The following MAP2K5 variants were observed in gnomAD, a reference collection of about 807,000 sequenced individuals.
The protein encoded by MAP2K5 is dual specificity mitogen-activated protein kinase kinase 5.
Under a neutral mutation model 83.1 loss-of-function variants are expected in MAP2K5, and 49 were observed. That is an observed-to-expected ratio of 0.59 (90% CI 0.47 to 0.75). The LOEUF (loss-of-function observed/expected upper bound fraction) is 0.75, where lower values mean the gene tolerates loss of function less well. Ranked by LOEUF, MAP2K5 falls within the 30% of genes least tolerant of loss-of-function variation. The pLI is 0.00. For synonymous variants in MAP2K5, 202 were observed against 191.8 expected (o/e 1.05, Z -0.44); for missense variants, 457 against 557.5 (o/e 0.82, Z 1.82).
Position 67,543,434 on chromosome 15 carries a change from G to A in MAP2K5, c.99G>A (p.Val33=), listed in dbSNP as rs749396399. The A allele has an allele frequency of 6.2e-7, 1 of 1,614,142 alleles. No homozygotes were observed. The highest frequency in any genetic ancestry group is 2.2e-5 in the East Asian group (1 of 44,878). ...IPNSGAVDWT[V]HSGPQLLFRD... is the part of the protein sequence containing the mutation. Reference sequence around the variant, plus strand: ...ATAGTGGCGCGGTGGACTGGACAGTGCACTCCGGGCCGCAGTTACTCTTCA... The same window carrying A: ...ATAGTGGCGCGGTGGACTGGACAGTACACTCCGGGCCGCAGTTACTCTTCA... The change falls in exon 1 of 22, where the codon GTG becomes GTA. Residue 33 remains valine, a synonymous_variant. Transcript: ENST00000178640. This position sits in a 1 kb window ranked among gnomAD's most constrained non-coding sequence, Gnocchi z 4.3.
At chr15:67,718,869 G>T (rs2088890142) in intron 16 of MAP2K5, among the ~76,000 whole-genome samples, 1 of 151,912 alleles carries the variant, frequency 6.6e-6, no homozygotes, top group South Asian at 2.1e-4. Flanking sequence ...GGGTAAATGG[G>T]GTATTCACCT....
intron 2 of MAP2K5, among the ~76,000 whole-genome samples, chr15:67,553,071 T>G (rs2084545096): frequency 1.3e-5 from 2 of 152,238 alleles, no homozygotes; most frequent in South Asian, 4.1e-4. Context: ...TTATTTTAAC[T>G]ATCATTCATT....
chr15:67,599,202 T>C (rs2085596394), intron 7 of MAP2K5, among the ~76,000 whole-genome samples: 1 of 152,224 alleles, frequency 6.6e-6, no homozygotes, highest in African/African-American at 2.4e-5. Flanking sequence ...TCTGTATTAG[T>C]AGTATAAAGG....
chr15:67,583,242 A>G (rs930960061), intron 4 of MAP2K5, among the ~76,000 whole-genome samples: 1 of 152,202 alleles, frequency 6.6e-6, no homozygotes, highest in African/African-American at 2.4e-5. Flanking sequence ...GGAAAGGCAT[A>G]TATATTAAAA....
chr15:67,613,889 C>A (rs2085992827), intron 8 of MAP2K5, among the ~76,000 whole-genome samples: 1 of 152,044 alleles, frequency 6.6e-6, no homozygotes, highest in Non-Finnish European at 1.5e-5. Context: ...CTCTTTGACC[C>A]ACTAGGGTAC....
At position 67,644,875 on chromosome 15, in the gene MAP2K5, A is replaced by G. The variant is rs1223131263; in HGVS notation, c.586-1356A>G. On this transcript the variant is annotated intron_variant, in intron 9 of 21. Coordinates refer to ENST00000178640, the MANE Select transcript of MAP2K5 (RefSeq NM_145160.3). The surrounding 1 kb of genome is among the most constrained non-coding windows in gnomAD (Gnocchi z 4.6). ...CTTAAAATGTTATTTTTGGCTGGGC[A>G]TGGTGGCTTACGCTTGTAATCCCAG... Among the ~76,000 whole-genome samples, 2 of 152,116 alleles carry G rather than the reference A, an allele frequency of 1.3e-5. No homozygotes were observed. Among genetic ancestry groups the G allele is most frequent in the East Asian group, 3.8e-4 (2 of 5,196 alleles).
Position 67,720,277 on chromosome 15 carries a change from TA to T in MAP2K5, c.1045-7638del, listed in dbSNP as rs1229195615. Among the ~76,000 whole-genome samples the T allele has an allele frequency of 6.6e-6, 1 of 151,968 alleles. No homozygotes were observed. Among genetic ancestry groups the T allele is most frequent in the African/African-American group, 2.4e-5 (1 of 41,302 alleles). On this transcript the variant is annotated intron_variant, in intron 16 of 21. Transcript: ENST00000178640. This position sits in a 1 kb window ranked among gnomAD's most constrained non-coding sequence, Gnocchi z 5.7. ...GCATATATATACACACACATATGCT[TA>T]TATATACATAAGTATACACATACAT...
intron 15 of MAP2K5, among the ~76,000 whole-genome samples, chr15:67,697,185 A>G (rs1397994176): frequency 6.6e-6 from 1 of 152,074 alleles, no homozygotes; most frequent in Non-Finnish European, 1.5e-5. Flanking sequence ...GTCATTTGAT[A>G]CCCTCATTTT....
intron 3 of MAP2K5, among the ~76,000 whole-genome samples, chr15:67,576,670 G>A (rs1215590046): frequency 6.8e-6 from 1 of 147,308 alleles, no homozygotes; most frequent in African/African-American, 2.5e-5. Flanking sequence ...TATGCAAGGG[G>A]TAACAGGAGA....
intron 13 of MAP2K5, among the ~76,000 whole-genome samples, chr15:67,669,045 T>C (rs1030474440): frequency 5.9e-5 from 9 of 152,184 alleles, no homozygotes; most frequent in African/African-American, 1.9e-4. Flanking sequence ...TTTTCTCTTT[T>C]ATAAATCTGG....
At chr15:67,659,970 T>C (rs1319176481) in intron 12 of MAP2K5, among the ~76,000 whole-genome samples, 1 of 152,124 alleles carries the variant, frequency 6.6e-6, no homozygotes, top group African/African-American at 2.4e-5. Flanking sequence ...CAGCATCAAA[T>C]ACAGGGCTTG....
At position 67,572,780 on chromosome 15, in the gene MAP2K5, A is replaced by C. The variant is rs1429776054; in HGVS notation, c.253-7974A>C. Among the ~76,000 whole-genome samples, 1 of 151,874 alleles carries C rather than the reference A, an allele frequency of 6.6e-6. No individual in the cohort carries two copies. Among genetic ancestry groups the C allele is most frequent in the Non-Finnish European group, 1.5e-5 (1 of 67,980 alleles). ...AGTGGTTCGATCTTGGCTCACTGCA[A>C]ACTCACCTCTCGGGTTCAAGTGATT... is the stretch of plus-strand genomic sequence containing the variant. On this transcript the variant is annotated intron_variant, in intron 3 of 21. Coordinates refer to ENST00000178640, the MANE Select transcript of MAP2K5 (RefSeq NM_145160.3). This position sits in a 1 kb window ranked among gnomAD's most constrained non-coding sequence, Gnocchi z 4.2.
chr15:67,661,741 A>G (rs1265046719), intron 12 of MAP2K5, among the ~76,000 whole-genome samples: 1 of 152,106 alleles, frequency 6.6e-6, no homozygotes, highest in Admixed American at 6.6e-5. Context: ...TTTGTATGGA[A>G]CCAATTTTTA....
At chr15:67,620,925 A>T (rs1197628002) in intron 8 of MAP2K5, among the ~76,000 whole-genome samples, 2 of 152,196 alleles carry the variant, frequency 1.3e-5, no homozygotes, top group Non-Finnish European at 2.9e-5. Flanking sequence ...AAAGTAAATG[A>T]ATTAGGTGGT....
At chr15:67,642,521 G>A (rs751429783) in intron 9 of MAP2K5, 12 of 1,311,516 alleles carry the variant, frequency 9.1e-6, no homozygotes, top group Non-Finnish European at 1.1e-5. Context: ...AGACAATGGT[G>A]GCATTCAAGC....
chr15:67,740,860 T>C (rs62015171), intron 17 of MAP2K5, among the ~76,000 whole-genome samples: 16,371 of 151,914 alleles, frequency 0.11, 980 homozygotes, highest in Admixed American at 0.11. Context: ...AAACCCCGTC[T>C]CTACTAAAAA....
intron 1 of MAP2K5, among the ~76,000 whole-genome samples, chr15:67,548,465 T>C (rs1454025473): frequency 1.3e-5 from 2 of 152,258 alleles, no homozygotes; most frequent in African/African-American, 4.8e-5. Context: ...TTTTATTTAT[T>C]TGACACTAAT....
chr15:67,760,190 A>G lies in MAP2K5; in HGVS notation c.1135-9412A>G, dbSNP rs1009763867. 2.0e-5 allele frequency among the ~76,000 whole-genome samples: 3 copies of G among 152,352 alleles called. No homozygotes were observed. The highest frequency in any genetic ancestry group is 6.5e-5 in the Admixed American group (1 of 15,312). On this transcript the variant is annotated intron_variant, in intron 19 of 21. Transcript: ENST00000178640. This position sits in a 1 kb window ranked among gnomAD's most constrained non-coding sequence, Gnocchi z 4.1. ...TAATAACTGTTTCTTTAGAAATGAC[A>G]TTAACATTCTACCAAAACACAGCAG... is the stretch of plus-strand genomic sequence containing the variant.
Position 67,543,184 on chromosome 15 carries a change from C to G in MAP2K5, c.-152C>G. 1 of 749,464 alleles carries G rather than the reference C, an allele frequency of 1.3e-6. No individual in the cohort carries two copies. The highest frequency in any genetic ancestry group is 1.7e-5 in the South Asian group (1 of 59,022). 46.4% of individuals were successfully genotyped at this position (749,464 alleles called of 1,614,324 possible). A position where few individuals can be genotyped will look rare whatever the true frequency, so the allele number is the denominator to read the frequency against. On this transcript the variant is annotated 5_prime_UTR_variant, in exon 1 of 22. Coordinates refer to ENST00000178640, the MANE Select transcript of MAP2K5 (RefSeq NM_145160.3). This position sits in a 1 kb window ranked among gnomAD's most constrained non-coding sequence, Gnocchi z 4.3. Reference sequence around the variant, plus strand: ...TGCCTGCGGGTGCGTTCCTGATCACCCCTCCCCTCTTCCCTCCCCCTCATC... The same window carrying G: ...TGCCTGCGGGTGCGTTCCTGATCACGCCTCCCCTCTTCCCTCCCCCTCATC...
Sources: gnomAD v4.1 joint callset for allele counts (sites outside exome capture counted in the v4.1 genomes callset) on GRCh38, gnomAD v4.1.1 for gene constraint, Gnocchi (gnomAD v3.1) non-coding constraint, MANE v1.5 for transcripts, NCBI Gene and HGNC (gene_info 2026-07-23, HGNC 2026-07-21) for gene names.